EPC1: variants seen among roughly 807,000 people sequenced by gnomAD.
The protein encoded by EPC1 is enhancer of polycomb homolog 1.
In EPC1, 12 loss-of-function variants were observed where a neutral mutation model predicts 98.4. The ratio of observed to expected loss-of-function variants is 0.12; its 90% CI spans 0.08 to 0.20. EPC1 has a LOEUF of 0.20. Ranked by LOEUF, EPC1 falls within the 10% of genes least tolerant of loss-of-function variation. The probability of loss-of-function intolerance (pLI) is 1.00; values close to 1 mark genes in which losing one functional copy is unlikely to be tolerated. For missense variants in EPC1, 729 were observed against 990.5 expected, an observed-to-expected ratio of 0.74 and a Z score of 3.54; for synonymous variants, 357 against 363.9, an observed-to-expected ratio of 0.98 and a Z score of 0.21.
chr10:32,293,785 C>T (rs940916744), intron 2 of EPC1, 48 bp from the exon 3 acceptor site: 1 of 1,528,012 alleles, frequency 6.5e-7, no homozygotes, highest in East Asian at 2.3e-5. Flanking sequence ...AATTCACCGA[C>T]AAAAACTCCA....
chr10:32,271,493 T>C (rs1163527597), intron 13 of EPC1, 61 bp downstream of exon 13: 10 of 1,539,014 alleles, frequency 6.5e-6, no homozygotes, highest in Non-Finnish European at 7.9e-6. Flanking sequence ...TAAAGAACGA[T>C]GCTGGAGGAC....
At chr10:32,278,910 A>G (rs182059945) in intron 10 of EPC1, among the ~76,000 whole-genome samples, 5 of 152,312 alleles carry the variant, frequency 3.3e-5, no homozygotes, top group Admixed American at 1.3e-4. Flanking sequence ...ATGACTGAAC[A>G]TGAGATTATT....
At chr10:32,296,838 C>T (rs757396172) in intron 2 of EPC1, among the ~76,000 whole-genome samples, 11 of 151,136 alleles carry the variant, frequency 7.3e-5, no homozygotes, top group Admixed American at 2.6e-4. Flanking sequence ...ACCCGGGAGG[C>T]GGAGGTTGCA....
chr10:32,338,273 C>T (rs1350548668), intron 1 of EPC1, among the ~76,000 whole-genome samples: 1 of 152,128 alleles, frequency 6.6e-6, no homozygotes, highest in African/African-American at 2.4e-5. Flanking sequence ...ACATTCAAAT[C>T]CACCAGCAAG....
intron 6 of EPC1, among the ~76,000 whole-genome samples, chr10:32,287,876 T>C (rs1836774109): frequency 6.6e-6 from 1 of 152,096 alleles, no homozygotes; most frequent in Admixed American, 6.6e-5. Context: ...ATGAAATCAT[T>C]AAATAGGGGA....
At chr10:32,278,825 T>C (rs1386709709) in intron 10 of EPC1, among the ~76,000 whole-genome samples, 1 of 152,174 alleles carries the variant, frequency 6.6e-6, no homozygotes, top group Non-Finnish European at 1.5e-5. Context: ...TCTAGCAATC[T>C]AATTTGAAAA....
Position 32,275,938 on chromosome 10 carries a change from T to TA in EPC1, c.1745-2658dup, listed in dbSNP as rs112016260. On this transcript the variant is annotated intron_variant, in intron 10 of 13. Coordinates refer to ENST00000319778, the MANE Select transcript of EPC1 (RefSeq NM_001272004.3). ...GGTGACAGAGTGAGACTCCGTCTCA[T>TA]AAAAAAAAAAAAATGCAATCAACAT... Among the ~76,000 whole-genome samples, 744 of 144,312 alleles carry TA rather than the reference T, an allele frequency of 5.2e-3. 1 individual carries two copies. Among genetic ancestry groups the TA allele is most frequent in the African/African-American group, 0.016 (642 of 39,128 alleles). 94.7% of individuals were successfully genotyped at this position (144,312 alleles called of 152,430 possible).
chr10:32,377,951 T>A (rs950109323), intron 1 of EPC1, among the ~76,000 whole-genome samples: 15 of 152,170 alleles, frequency 9.9e-5, no homozygotes. Context: ...TGAGATCTGA[T>A]CAGCAAATAA....
intron 5 of EPC1, 134 bp from the exon 6 acceptor site, chr10:32,291,456 C>A: frequency 1.5e-6 from 1 of 682,032 alleles, no homozygotes. Flanking sequence ...CACATAATTA[C>A]CTTGTGTGTA....
rs148088536 is a variant in EPC1, at chr10:32,278,951, T to G, written c.1745-5670A>C. Among the ~76,000 whole-genome samples the G allele has an allele frequency of 2.4e-3, 367 of 152,352 alleles. 4 individuals are homozygous for G. The highest frequency in any genetic ancestry group is 5.4e-3 in the Admixed American group (82 of 15,306). On this transcript the variant is annotated intron_variant, in intron 10 of 13. Transcript: ENST00000319778. ...TCAAATATTCCTCTTAGTGTGAATA[T>G]TCTTGCATTTTATTATATGACTATA...
At chr10:32,360,885 C>T (rs918750102) in intron 1 of EPC1, among the ~76,000 whole-genome samples, 16 of 79,578 alleles carry the variant, frequency 2.0e-4, no homozygotes, top group African/African-American at 8.0e-4. Flanking sequence ...CAGAGTGAAA[C>T]TCCATCTCCA....
intron 1 of EPC1, among the ~76,000 whole-genome samples, chr10:32,319,504 G>A (rs1836755915): frequency 6.6e-6 from 1 of 152,150 alleles, no homozygotes; most frequent in South Asian, 2.1e-4. Flanking sequence ...GCCTCCAGAT[G>A]TGATGTCATG....
intron 1 of EPC1, among the ~76,000 whole-genome samples, chr10:32,336,025 AGCTTAGATTCCAT>A (rs1837940632): frequency 6.6e-6 from 1 of 150,728 alleles, no homozygotes; most frequent in South Asian, 2.1e-4. Flanking sequence ...CTGCTTACCC[AGCTTAGATTCCAT>A]GGTCCATCAT....
intron 1 of EPC1, among the ~76,000 whole-genome samples, chr10:32,340,931 G>A (rs528870650): frequency 4.6e-5 from 7 of 152,112 alleles, no homozygotes; most frequent in Admixed American, 4.6e-4. Flanking sequence ...AAAAGTTATT[G>A]TTATCAATGC....
intron 1 of EPC1, among the ~76,000 whole-genome samples, chr10:32,356,932 G>C (rs1839297313): frequency 6.6e-6 from 1 of 152,176 alleles, no homozygotes; most frequent in African/African-American, 2.4e-5. Flanking sequence ...AGTGAGCTGA[G>C]ATCGCACCAC....
chr10:32,333,722 G>T (rs1837779115), intron 1 of EPC1, among the ~76,000 whole-genome samples: 1 of 152,258 alleles, frequency 6.6e-6, no homozygotes. Context: ...AGCCCTGCTA[G>T]AATTTTGCAC....
At chr10:32,370,782 T>TAATTCA (rs1214362654) in intron 1 of EPC1, among the ~76,000 whole-genome samples, 2 of 152,232 alleles carry the variant, frequency 1.3e-5, no homozygotes, top group Non-Finnish European at 2.9e-5. Flanking sequence ...AAATTTAAGC[T>TAATTCA]AATTCAAATT....
upstream of EPC1, chr10:32,347,210 C>A: frequency 8.1e-7 from 1 of 1,228,618 alleles, no homozygotes; most frequent in Non-Finnish European, 1.0e-6. Flanking sequence ...CGCAGCGGCG[C>A]GGGCACGCGG....
intron 1 of EPC1, among the ~76,000 whole-genome samples, chr10:32,338,059 A>C (rs1054789936): frequency 6.6e-6 from 1 of 152,238 alleles, no homozygotes; most frequent in Non-Finnish European, 1.5e-5. Context: ...CATGACTTCC[A>C]AATTATACAC....
Sources: gnomAD v4.1 joint callset for allele counts (sites outside exome capture counted in the v4.1 genomes callset) on GRCh38, gnomAD v4.1.1 for gene constraint, MANE v1.5 for transcripts, NCBI Gene and HGNC (gene_info 2026-07-23, HGNC 2026-07-21) for gene names.